Variants in SLC24A2 observed in about 807,000 individuals in gnomAD.
SLC24A2 encodes sodium/potassium/calcium exchanger 2.
A neutral mutation model predicts 62.0 loss-of-function variants in SLC24A2; 36 were observed. That is an observed-to-expected ratio of 0.58 (90% CI 0.44 to 0.77). The LOEUF (loss-of-function observed/expected upper bound fraction) is 0.77. SLC24A2 is among the 30% of genes least tolerant of loss of function. The pLI is 0.00. For synonymous variants in SLC24A2, 358 were observed against 294.0 expected (o/e 1.22, Z -2.23); for missense variants, 846 against 817.9 (o/e 1.03, Z -0.42).
chr9:20,278,392 G>A, the SLC24A2 span, among the ~76,000 whole-genome samples: 1 of 152,094 alleles, frequency 6.6e-6, no homozygotes, highest in East Asian at 1.9e-4. Flanking sequence ...ATGCTTTTAT[G>A]AACAACCAAG....
chr9:19,868,635 T>C, the SLC24A2 span, among the ~76,000 whole-genome samples: 1 of 152,324 alleles, frequency 6.6e-6, no homozygotes, highest in Admixed American at 6.5e-5. Context: ...ACTTAACGTA[T>C]TTTGAATCTT....
chr9:19,548,488 T>C (rs1298915108), intron 8 of SLC24A2, among the ~76,000 whole-genome samples: 1 of 152,184 alleles, frequency 6.6e-6, no homozygotes, highest in East Asian at 1.9e-4. Flanking sequence ...TAGTTTACTG[T>C]GGACCAATAA....
chr9:20,291,446 T>A, the SLC24A2 span, among the ~76,000 whole-genome samples: 3 of 152,244 alleles, frequency 2.0e-5, no homozygotes, highest in East Asian at 5.8e-4. Flanking sequence ...CATAGTCCAA[T>A]TTGTCTGGAG....
At chr9:20,091,702 T>G in the SLC24A2 span, among the ~76,000 whole-genome samples, 7 of 152,250 alleles carry the variant, frequency 4.6e-5, no homozygotes, top group Non-Finnish European at 8.8e-5. Flanking sequence ...TAAGAGATCT[T>G]GAAAAGAGCT....
At chr9:19,981,987 G>A in the SLC24A2 span, among the ~76,000 whole-genome samples, 9 of 152,058 alleles carry the variant, frequency 5.9e-5, no homozygotes, top group South Asian at 2.1e-4. Context: ...AGGAGTAAGC[G>A]TGTCTTTAAA....
the SLC24A2 span, among the ~76,000 whole-genome samples, chr9:20,176,743 T>C: frequency 6.6e-6 from 1 of 152,126 alleles, no homozygotes; most frequent in African/African-American, 2.4e-5. Flanking sequence ...ATGTCTATTT[T>C]TCCCTTGCTA....
chr9:19,674,054 T>C (rs1564029933), intron 2 of SLC24A2, among the ~76,000 whole-genome samples: 1 of 152,228 alleles, frequency 6.6e-6, no homozygotes, highest in Non-Finnish European at 1.5e-5. Context: ...TAGCAGTTCT[T>C]ATAGTGCTGG....
the SLC24A2 span, among the ~76,000 whole-genome samples, chr9:19,872,364 G>T: frequency 1.2e-4 from 18 of 152,296 alleles, no homozygotes; most frequent in Non-Finnish European, 1.6e-4. Flanking sequence ...CATTCCGAAG[G>T]ATAAAGGAGG....
the SLC24A2 span, among the ~76,000 whole-genome samples, chr9:19,999,113 C>T: frequency 2.6e-5 from 4 of 152,212 alleles, no homozygotes; most frequent in South Asian, 2.1e-4. Context: ...CTAATGCCTA[C>T]CCACTGGGGC....
chr9:20,028,688 G>A, the SLC24A2 span, among the ~76,000 whole-genome samples: 1 of 152,164 alleles, frequency 6.6e-6, no homozygotes, highest in Non-Finnish European at 1.5e-5. Context: ...TCCCCAAAGG[G>A]CAATAAAAAT....
At chr9:19,521,628 C>T (rs1307756250) in intron 9 of SLC24A2, among the ~76,000 whole-genome samples, 1 of 152,120 alleles carries the variant, frequency 6.6e-6, no homozygotes, top group Non-Finnish European at 1.5e-5. Context: ...AAGCAAAATC[C>T]AGAAAATCAG....
At chr9:20,288,483 A>G in the SLC24A2 span, among the ~76,000 whole-genome samples, 25 of 152,226 alleles carry the variant, frequency 1.6e-4, no homozygotes, top group African/African-American at 5.5e-4. Flanking sequence ...AATACAGTGG[A>G]AAGGGCCAGG....
chr9:19,689,512 C>T (rs914838167), intron 2 of SLC24A2, among the ~76,000 whole-genome samples: 8 of 152,070 alleles, frequency 5.3e-5, no homozygotes, highest in Admixed American at 2.0e-4. Context: ...CTACAGAGTA[C>T]GGGAGTGTGA....
intron 5 of SLC24A2, among the ~76,000 whole-genome samples, chr9:19,588,289 A>G (rs1464089760): frequency 2.0e-5 from 3 of 151,742 alleles, no homozygotes; most frequent in Non-Finnish European, 4.4e-5. Flanking sequence ...TAAGCCATAA[A>G]CTTGGGATGA....
chr9:20,181,538 G>A, the SLC24A2 span, among the ~76,000 whole-genome samples: 27,405 of 152,102 alleles, frequency 0.18, 2,616 homozygotes, highest in East Asian at 0.29. Flanking sequence ...AATGGGGAAA[G>A]GATTGCCTAT....
chr9:19,583,814 C>T (rs1309413417), intron 5 of SLC24A2, among the ~76,000 whole-genome samples: 1 of 152,126 alleles, frequency 6.6e-6, no homozygotes, highest in Non-Finnish European at 1.5e-5. Context: ...CAATAAGGTG[C>T]ATGTGCAAAG....
intron 2 of SLC24A2, among the ~76,000 whole-genome samples, chr9:19,631,561 T>C (rs1818179853): frequency 6.6e-6 from 1 of 152,212 alleles, no homozygotes; most frequent in Non-Finnish European, 1.5e-5. Context: ...CACATCTTTA[T>C]ACTTCCAATT....
At chr9:20,017,314 C>T in the SLC24A2 span, among the ~76,000 whole-genome samples, 164 of 152,230 alleles carry the variant, frequency 1.1e-3, no homozygotes, top group African/African-American at 3.8e-3. Context: ...TGAGCCACCA[C>T]GCCTGGCCCC....
At chr9:20,005,850 C>A in the SLC24A2 span, among the ~76,000 whole-genome samples, 1 of 144,510 alleles carries the variant, frequency 6.9e-6, no homozygotes, top group Non-Finnish European at 1.5e-5. Flanking sequence ...TCCGAGATCC[C>A]ATTCCCTACT....
Sources: gnomAD v4.1 joint callset for allele counts (sites outside exome capture counted in the v4.1 genomes callset) on GRCh38, gnomAD v4.1.1 for gene constraint, MANE v1.5 for transcripts, NCBI Gene and HGNC (gene_info 2026-07-23, HGNC 2026-07-21) for gene names.